The following PRKCH variants were observed in gnomAD, a reference collection of about 807,000 sequenced individuals.
The protein encoded by PRKCH is protein kinase C eta.
In PRKCH, 28 loss-of-function variants were observed where a neutral mutation model predicts 82.5. The ratio of observed to expected loss-of-function variants is 0.34; its 90% CI spans 0.25 to 0.47. The LOEUF is 0.47. PRKCH is among the 20% of genes least tolerant of loss of function. The pLI, the probability that PRKCH is intolerant of heterozygous loss-of-function variation, is 1.00. For missense variants in PRKCH, 705 were observed against 881.8 expected (o/e 0.80, Z 2.54); for synonymous variants, 322 against 327.4 (o/e 0.98, Z 0.18).
chr14:61,280,530 G>A lies in PRKCH; in HGVS notation c.-19+92862G>A. On this transcript the variant is annotated intron_variant, in intron 1 of 3. Transcript: ENST00000555185. This position sits in a 1 kb window ranked among gnomAD's most constrained non-coding sequence, Gnocchi z 5.0. ...TGCCGTTGACCAGCGGCGGGTTGCG[G>A]AACTTGACGTGGTAGTCGGTCCACC... 6.2e-7 allele frequency: 1 copy of A among 1,612,472 alleles called. No individual in the cohort carries two copies. Among genetic ancestry groups the A allele is most frequent in the Non-Finnish European group, 8.5e-7 (1 of 1,179,524 alleles).
At chr14:61,262,869 C>T (rs1183009688) in intron 1 of PRKCH, among the ~76,000 whole-genome samples, 1 of 152,090 alleles carries the variant, frequency 6.6e-6, no homozygotes, top group African/African-American at 2.4e-5. Context: ...AAATACCCAG[C>T]CATTTACCTA....
chr14:61,206,938 C>A (rs1411153400), intron 1 of PRKCH, among the ~76,000 whole-genome samples: 1 of 151,708 alleles, frequency 6.6e-6, no homozygotes, highest in Non-Finnish European at 1.5e-5. Context: ...GAAACCCCGT[C>A]TCTACTAAAA....
intron 2 of PRKCH, among the ~76,000 whole-genome samples, chr14:61,425,328 C>A (rs1439616115): frequency 6.6e-6 from 1 of 152,232 alleles, no homozygotes; most frequent in Non-Finnish European, 1.5e-5. Context: ...GGGATATACC[C>A]TGCAGAGCCA....
chr14:61,296,241 T>C (rs976667046), intron 1 of PRKCH, among the ~76,000 whole-genome samples: 2 of 152,320 alleles, frequency 1.3e-5, no homozygotes, highest in African/African-American at 4.8e-5. Flanking sequence ...TTCAAACCAC[T>C]TCAGAAGGGC....
chr14:61,256,727 A>T lies in PRKCH; in HGVS notation c.-19+69059A>T, dbSNP rs148979288. 1.6e-3 allele frequency among the ~76,000 whole-genome samples: 240 copies of T among 152,154 alleles called. 7 individuals are homozygous for T. In the East Asian group the frequency reaches 0.039, roughly 24 times the overall value. ...TTTAAAGTTGTATTTGTTGCTCCGA[A>T]TTTTTTACTTATTGATCCTAGTATG... On this transcript the variant is annotated intron_variant, in intron 1 of 3. Transcript: ENST00000555185.
chr14:61,313,064 A>G (rs2045537210), intron 1 of PRKCH, among the ~76,000 whole-genome samples: 1 of 152,280 alleles, frequency 6.6e-6, no homozygotes, highest in Non-Finnish European at 1.5e-5. Context: ...AAGGATTTTG[A>G]AAAATCCAAG....
chr14:61,309,924 T>G (rs1372582296), intron 1 of PRKCH, among the ~76,000 whole-genome samples: 1 of 130,726 alleles, frequency 7.6e-6, no homozygotes. Context: ...CAGGCACATC[T>G]TACATGGTGG....
intron 1 of PRKCH, among the ~76,000 whole-genome samples, chr14:61,219,471 C>T (rs935401143): frequency 7.2e-5 from 11 of 152,136 alleles, no homozygotes; most frequent in African/African-American, 2.4e-4. Flanking sequence ...TCTGTTGGTT[C>T]ATGATTTCTC....
intron 1 of PRKCH, among the ~76,000 whole-genome samples, chr14:61,314,124 T>G (rs2140111416): frequency 6.6e-6 from 1 of 152,372 alleles, no homozygotes; most frequent in African/African-American, 2.4e-5. Context: ...ATGTTTGCAG[T>G]GACTAAATGC....
intron 2 of PRKCH, among the ~76,000 whole-genome samples, chr14:61,422,109 G>A (rs1445596811): frequency 2.6e-5 from 4 of 152,046 alleles, no homozygotes; most frequent in Non-Finnish European, 5.9e-5. Context: ...TTTGAGACAG[G>A]GTCTTACTCT....
At position 61,280,115 on chromosome 14, in the gene PRKCH, G is replaced by T. The variant is rs1405957515; in HGVS notation, c.-19+92447G>T. ...AATCACTCCTCGTCGTCGTCGTCCT[G>T]GTCCTGGTAGCGAATGTAGACGACC... On this transcript the variant is annotated intron_variant, in intron 1 of 3. Coordinates refer to the PRKCH transcript ENST00000555185. The surrounding 1 kb of genome is among the most constrained non-coding windows in gnomAD (Gnocchi z 5.0). The T allele has an allele frequency of 6.2e-7, 1 of 1,613,100 alleles. No individual in the cohort carries two copies. Among genetic ancestry groups the T allele is most frequent in the Non-Finnish European group, 8.5e-7 (1 of 1,179,572 alleles).
upstream of PRKCH, among the ~76,000 whole-genome samples, chr14:61,318,930 C>T (rs1337136908): frequency 6.6e-6 from 1 of 152,184 alleles, no homozygotes; most frequent in East Asian, 1.9e-4. Context: ...TGGGCTCAAG[C>T]AGTACTCCTG....
intron 12 of PRKCH, among the ~76,000 whole-genome samples, chr14:61,540,495 T>C (rs1004926745): frequency 2.0e-5 from 3 of 152,204 alleles, no homozygotes; most frequent in Non-Finnish European, 4.4e-5. Context: ...ACTCCCAAAC[T>C]GTGTGACAGG....
intron 1 of PRKCH, among the ~76,000 whole-genome samples, chr14:61,218,345 G>C (rs2044629663): frequency 6.6e-6 from 1 of 152,068 alleles, no homozygotes; most frequent in Admixed American, 6.6e-5. Flanking sequence ...TAAGCTTCTG[G>C]GAAGAAAGCA....
At chr14:61,489,854 C>A (rs1886384070) in intron 10 of PRKCH, among the ~76,000 whole-genome samples, 2 of 152,206 alleles carry the variant, frequency 1.3e-5, no homozygotes, top group African/African-American at 4.8e-5. Flanking sequence ...GTTTCATCAA[C>A]TGTATTAAAG....
chr14:61,256,847 C>T (rs1227587493), intron 1 of PRKCH, among the ~76,000 whole-genome samples: 1 of 152,200 alleles, frequency 6.6e-6, no homozygotes, highest in South Asian at 2.1e-4. Flanking sequence ...CTGTCAATGG[C>T]TTCACTTAGC....
intron 1 of PRKCH, among the ~76,000 whole-genome samples, chr14:61,291,740 A>G (rs367783645): frequency 6.6e-6 from 1 of 152,196 alleles, no homozygotes; most frequent in African/African-American, 2.4e-5. Context: ...CACTGTATCT[A>G]ATCCTCAATG....
intron 8 of PRKCH, 36 bp from the exon 9 acceptor site, chr14:61,457,470 G>T: frequency 6.2e-7 from 1 of 1,607,050 alleles, no homozygotes; most frequent in Non-Finnish European, 8.5e-7. Context: ...CCCCCAAGAG[G>T]ACTCCCTCAT....
At chr14:61,480,022 A>G (rs1594749936) in intron 9 of PRKCH, among the ~76,000 whole-genome samples, 1 of 152,232 alleles carries the variant, frequency 6.6e-6, no homozygotes, top group Non-Finnish European at 1.5e-5. Flanking sequence ...TTTAGAAGTG[A>G]TGTTAAACCG....
Sources: allele counts gnomAD v4.1 joint callset (sites outside exome capture counted in the v4.1 genomes callset), GRCh38; gene constraint gnomAD v4.1.1; non-coding constraint Gnocchi (gnomAD v3.1); transcripts MANE v1.5; gene names NCBI Gene and HGNC (gene_info 2026-07-23, HGNC 2026-07-21).